Variants in PRKCH observed in about 807,000 individuals in gnomAD.
PRKCH encodes the protein protein kinase C eta type.
PRKCH carries 28 observed loss-of-function variants against 82.5 expected under a neutral mutation model. The observed-to-expected ratio is 0.34, with a 90% CI of 0.25 to 0.47. The LOEUF is 0.47. Ranked by LOEUF, PRKCH falls within the 20% of genes least tolerant of loss-of-function variation. The pLI, the probability that PRKCH is intolerant of heterozygous loss-of-function variation, is 1.00. For missense variants in PRKCH, 705 were observed against 881.8 expected (o/e 0.80, Z 2.54); for synonymous variants, 322 against 327.4 (o/e 0.98, Z 0.18).
chr14:61,297,610 G>T lies in PRKCH; in HGVS notation c.-19+109942G>T, dbSNP rs954049178. Among the ~76,000 whole-genome samples the T allele has an allele frequency of 3.3e-5, 5 of 152,202 alleles. No individual in the cohort carries two copies. The South Asian group carries it at 1.0e-3, about 32-fold the overall frequency. ...TTCTACCTCACATAATTAGATATTA[G>T]ATTCTCATAAGGAATGTGTGACCTA... On this transcript the variant is annotated intron_variant, in intron 1 of 3. Transcript: ENST00000555185.
rs138850162 is a variant in PRKCH, at chr14:61,437,524, A to G, written c.428-5587A>G. ...TGATAGTATATCCAGTAGTTCAACA[A>G]TAGTCAACGGAGTCTGGTGTCCTCA... On this transcript the variant is annotated intron_variant, in intron 2 of 13. Transcript: ENST00000332981. 1.3e-3 allele frequency among the ~76,000 whole-genome samples: 204 copies of G among 152,374 alleles called. 2 individuals carry two copies. Among genetic ancestry groups the G allele is most frequent in the African/African-American group, 4.7e-3 (195 of 41,586 alleles).
intron 1 of PRKCH, chr14:61,344,350 C>G (rs117843492): frequency 1.3e-5 from 2 of 152,150 alleles, no homozygotes; most frequent in African/African-American, 2.4e-5. Flanking sequence ...GTGGTACGAA[C>G]GGAGGCAGGC....
At chr14:61,447,644 G>A (rs1009739900) in intron 4 of PRKCH, among the ~76,000 whole-genome samples, 4 of 152,108 alleles carry the variant, frequency 2.6e-5, no homozygotes, top group African/African-American at 9.7e-5. Context: ...TAAGATAGCT[G>A]GAAAATCCCC....
chr14:61,352,689 G>GGAAGGAAAGAAA (rs1555378085), intron 1 of PRKCH, among the ~76,000 whole-genome samples: 2 of 126,456 alleles, frequency 1.6e-5, no homozygotes, highest in Non-Finnish European at 3.3e-5. Flanking sequence ...AGAAAGGAAA[G>GGAAGGAAAGAAA]GAAAGAAAGA....
chr14:61,204,934 CTGAG>C (rs1338600704), intron 1 of PRKCH, among the ~76,000 whole-genome samples: 1 of 152,144 alleles, frequency 6.6e-6, no homozygotes, highest in East Asian at 1.9e-4. Context: ...TTATTTGTTA[CTGAG>C]TAAGCTCTTC....
intron 10 of PRKCH, among the ~76,000 whole-genome samples, chr14:61,487,846 TATAC>T (rs1483960707): frequency 7.1e-5 from 10 of 140,994 alleles, no homozygotes; most frequent in Non-Finnish European, 7.8e-5. Context: ...AAAAAAAACA[TATAC>T]ATATATGTTA....
At chr14:61,353,285 G>A (rs1344233225) in intron 1 of PRKCH, among the ~76,000 whole-genome samples, 2 of 152,080 alleles carry the variant, frequency 1.3e-5, no homozygotes, top group African/African-American at 2.4e-5. Context: ...TTCTTTACTA[G>A]TAAGCATGTA....
At chr14:61,205,582 A>C (rs959378769) in intron 1 of PRKCH, among the ~76,000 whole-genome samples, 3 of 152,118 alleles carry the variant, frequency 2.0e-5, no homozygotes, top group African/African-American at 7.2e-5. Flanking sequence ...TGAGGTGAGC[A>C]CTTCCTGCCG....
intron 2 of PRKCH, among the ~76,000 whole-genome samples, chr14:61,408,958 G>T (rs1019324485): frequency 2.6e-5 from 4 of 152,216 alleles, no homozygotes; most frequent in African/African-American, 9.6e-5. Context: ...GCAAGGTCGG[G>T]AAGGTGTAGG....
At chr14:61,357,167 T>C (rs958291014) in intron 1 of PRKCH, among the ~76,000 whole-genome samples, 3 of 152,234 alleles carry the variant, frequency 2.0e-5, no homozygotes, top group Non-Finnish European at 2.9e-5. Context: ...AGGACTGCCT[T>C]CTTCACACCT....
At chr14:61,429,062 C>G (rs1357936626) in intron 2 of PRKCH, among the ~76,000 whole-genome samples, 1 of 152,162 alleles carries the variant, frequency 6.6e-6, no homozygotes, top group Non-Finnish European at 1.5e-5. Context: ...AAAATTAAAG[C>G]AAGAGGGAAT....
chr14:61,229,927 G>T (rs1015025236), intron 1 of PRKCH, among the ~76,000 whole-genome samples: 1 of 152,174 alleles, frequency 6.6e-6, no homozygotes, highest in African/African-American at 2.4e-5. Context: ...GCTTTTTAAA[G>T]CTCAAAAACA....
Position 61,549,829 on chromosome 14 carries a change from T to TG in PRKCH, c.2050_2051insG (p.Ter684=). Residue 684 remains the stop codon, a frameshift_variant and stop_retained_variant, in exon 14 of 14, where the codon TAG becomes TGAG. Transcript: ENST00000332981. LOFTEE classifies it high-confidence loss of function. The part of the protein sequence containing the change: ...FSYVSPELQP[*] ...CTATGTGTCTCCAGAATTGCAACCA[T>TG]AGCCTTATGGGGAGTGAGAGAGAGG... 2 of 1,613,776 alleles carry TG rather than the reference T, an allele frequency of 1.2e-6. No individual in the cohort carries two copies. The highest frequency in any genetic ancestry group is 8.5e-7 in the Non-Finnish European group (1 of 1,179,918).
intron 1 of PRKCH, among the ~76,000 whole-genome samples, chr14:61,286,371 T>C (rs1264777818): frequency 6.6e-6 from 1 of 152,222 alleles, no homozygotes; most frequent in Non-Finnish European, 1.5e-5. Flanking sequence ...TAGTGGAAGA[T>C]GCAGAGAAAC....
chr14:61,539,064 C>T (rs2043148390), intron 12 of PRKCH, among the ~76,000 whole-genome samples: 1 of 152,142 alleles, frequency 6.6e-6, no homozygotes, highest in Non-Finnish European at 1.5e-5. Flanking sequence ...TTGAAATCCG[C>T]CCCATCAGTC....
chr14:61,284,325 A>G (rs2140095092), intron 1 of PRKCH, among the ~76,000 whole-genome samples: 1 of 152,376 alleles, frequency 6.6e-6, no homozygotes, highest in Middle Eastern at 3.4e-3. Flanking sequence ...AGGGGTGGCT[A>G]AAGAGATGTG....
intron 9 of PRKCH, among the ~76,000 whole-genome samples, chr14:61,474,375 T>G (rs1885635547): frequency 6.6e-6 from 1 of 152,248 alleles, no homozygotes; most frequent in African/African-American, 2.4e-5. Context: ...GCTCCACCTC[T>G]TTTAATTTAG....
intron 2 of PRKCH, among the ~76,000 whole-genome samples, chr14:61,414,193 C>T (rs890630672): frequency 2.0e-5 from 3 of 152,114 alleles, no homozygotes; most frequent in Admixed American, 6.5e-5. Context: ...CCGTCTATAT[C>T]TGCAGCCCAG....
chr14:61,305,594 G>C (rs1332825694), intron 1 of PRKCH: 1 of 151,832 alleles, frequency 6.6e-6, no homozygotes, highest in Non-Finnish European at 1.5e-5. Flanking sequence ...CTCTGTTAGA[G>C]ATAATTCACC....
Sources: gnomAD v4.1 joint callset for allele counts (sites outside exome capture counted in the v4.1 genomes callset) on GRCh38, gnomAD v4.1.1 for gene constraint, MANE v1.5 for transcripts, NCBI Gene and HGNC (gene_info 2026-07-23, HGNC 2026-07-21) for gene names.